The following ITGB6 variants were observed in gnomAD, a reference collection of about 807,000 sequenced individuals.
ITGB6 encodes integrin beta-6.
In ITGB6, 80 loss-of-function variants were observed where a neutral mutation model predicts 84.5. The observed-to-expected ratio is 0.95, with a 90% CI of 0.79 to 1.14. The LOEUF (loss-of-function observed/expected upper bound fraction) is 1.14, where lower values mean the gene tolerates loss of function less well. ITGB6 is among the 50% of genes most tolerant of loss of function. The pLI, the probability that ITGB6 is intolerant of heterozygous loss-of-function variation, is 0.00. For synonymous variants in ITGB6, 383 were observed against 354.9 expected (o/e 1.08, Z -0.89); for missense variants, 1,006 against 968.0 (o/e 1.04, Z -0.52).
chr2:160,129,667 G>GATTCTA (rs1375870454), intron 10 of ITGB6, among the ~76,000 whole-genome samples: 1 of 152,072 alleles, frequency 6.6e-6, no homozygotes, highest in African/African-American at 2.4e-5. Flanking sequence ...AGTGAAACAG[G>GATTCTA]ATTCTACTTG....
At chr2:160,124,470 C>A (rs1683156867) in intron 11 of ITGB6, among the ~76,000 whole-genome samples, 1 of 152,152 alleles carries the variant, frequency 6.6e-6, no homozygotes, top group Non-Finnish European at 1.5e-5. Flanking sequence ...TTAATACAGG[C>A]TTTTAAATAA....
At chr2:160,112,688 C>T (rs1213897533) in intron 12 of ITGB6, among the ~76,000 whole-genome samples, 3 of 151,756 alleles carry the variant, frequency 2.0e-5, no homozygotes, top group Non-Finnish European at 4.4e-5. Flanking sequence ...AAATTAATAT[C>T]AGGAAACTGA....
rs550647046 is a variant in ITGB6 at position 160,133,376 on chromosome 2, G to A, written c.1660+4058C>T. ...AGAGCTAACTATCCTAAATTTATAC[G>A]CACCCAGTACAGGAGCACCTAGATT... On this transcript the variant is annotated intron_variant, in intron 10 of 14. Coordinates refer to ENST00000283249, the MANE Select transcript of ITGB6 (RefSeq NM_000888.5). Among the ~76,000 whole-genome samples, 5 of 152,192 alleles carry A rather than the reference G, an allele frequency of 3.3e-5. No homozygotes were observed. The South Asian group carries it at 8.3e-4, about 25-fold the overall frequency.
At chr2:160,181,121 G>T (rs1685650875) in intron 4 of ITGB6, among the ~76,000 whole-genome samples, 1 of 152,104 alleles carries the variant, frequency 6.6e-6, no homozygotes, top group Non-Finnish European at 1.5e-5. Flanking sequence ...GTGGCGCTTG[G>T]AATTCCAGCG....
chr2:160,112,611 T>C (rs1304032925), intron 12 of ITGB6, among the ~76,000 whole-genome samples: 2 of 152,172 alleles, frequency 1.3e-5, no homozygotes, highest in Non-Finnish European at 2.9e-5. Flanking sequence ...ACTGATACTT[T>C]TAAAGGGGCC....
intron 12 of ITGB6, among the ~76,000 whole-genome samples, chr2:160,114,622 G>A (rs1682680579): frequency 6.6e-6 from 1 of 152,214 alleles, no homozygotes; most frequent in Non-Finnish European, 1.5e-5. Flanking sequence ...GAGGTACCGG[G>A]TTCATCTCAC....
At chr2:160,166,797 T>C (rs1047104262) in intron 7 of ITGB6, among the ~76,000 whole-genome samples, 2 of 152,192 alleles carry the variant, frequency 1.3e-5, no homozygotes, top group Admixed American at 1.3e-4. Context: ...ACTACAGCCA[T>C]ACTGAACTGA....
chr2:160,191,991 A>G (rs572714386), intron 4 of ITGB6, among the ~76,000 whole-genome samples: 5 of 152,208 alleles, frequency 3.3e-5, no homozygotes, highest in East Asian at 1.9e-4. Flanking sequence ...ATATGAATAA[A>G]TGAAGATATA....
intron 4 of ITGB6, among the ~76,000 whole-genome samples, chr2:160,189,756 G>A (rs1686062182): frequency 6.6e-6 from 1 of 152,004 alleles, no homozygotes; most frequent in Non-Finnish European, 1.5e-5. Flanking sequence ...ACTGTTGGTG[G>A]GACTGTAAAC....
intron 4 of ITGB6, among the ~76,000 whole-genome samples, chr2:160,177,054 A>G (rs187791716): frequency 2.0e-5 from 3 of 152,206 alleles, no homozygotes; most frequent in Admixed American, 2.0e-4. Flanking sequence ...GTTTGTATCC[A>G]TTGCCATCTG....
intron 2 of ITGB6, 59 bp from the exon 3 acceptor site, chr2:160,196,479 T>C: frequency 4.9e-6 from 7 of 1,434,094 alleles, no homozygotes; most frequent in Non-Finnish European, 6.7e-6. Flanking sequence ...AATTTCTTTA[T>C]AAGATACCAG....
At chr2:160,118,590 T>C (rs1214036586) in intron 12 of ITGB6, among the ~76,000 whole-genome samples, 2 of 152,084 alleles carry the variant, frequency 1.3e-5, no homozygotes, top group Non-Finnish European at 2.9e-5. Context: ...AAGCATTCCC[T>C]TTGAAAACAG....
At chr2:160,196,185 A>C (rs771751979) in intron 3 of ITGB6, 31 bp downstream of exon 3, 1 of 1,560,928 alleles carries the variant, frequency 6.4e-7, no homozygotes, top group East Asian at 2.2e-5. Context: ...ATGACATTAG[A>C]TCTATTTACA....
intron 14 of ITGB6, among the ~76,000 whole-genome samples, chr2:160,103,593 T>C (rs1199897834): frequency 1.3e-5 from 2 of 152,180 alleles, no homozygotes; most frequent in Non-Finnish European, 2.9e-5. Context: ...GGCAGACTGA[T>C]GTGAATTTAG....
intron 6 of ITGB6, among the ~76,000 whole-genome samples, chr2:160,171,087 T>A (rs1685181213): frequency 6.6e-6 from 1 of 152,148 alleles, no homozygotes; most frequent in Non-Finnish European, 1.5e-5. Flanking sequence ...ATGTCGAAAT[T>A]TAGAAATTTA....
At chr2:160,136,344 C>T (rs371791605) in intron 10 of ITGB6, among the ~76,000 whole-genome samples, 1 of 152,158 alleles carries the variant, frequency 6.6e-6, no homozygotes, top group Admixed American at 6.5e-5. Flanking sequence ...ATCAAAACCA[C>T]AATGAGATAC....
At chr2:160,159,917 A>G (rs982440575) in intron 7 of ITGB6, among the ~76,000 whole-genome samples, 2 of 152,128 alleles carry the variant, frequency 1.3e-5, no homozygotes, top group African/African-American at 4.8e-5. Context: ...TCCCCCTACT[A>G]GATTACAAGT....
Position 160,101,748 on chromosome 2 carries a change from G to T in ITGB6, c.2355C>A (p.Ser785=). The change falls in exon 15 of 15, where the codon TCC becomes TCA. Residue 785 remains serine (S), a synonymous_variant. Coordinates refer to ENST00000283249, the MANE Select transcript of ITGB6 (RefSeq NM_000888.5). ...GCATAAAGTAGTTCTAGCAATCTGT[G>T]GAAAGGTCTACCTTTTGTTTTTCCC... ...KHREKQKVDL[S]TDC is the part of the protein sequence containing the mutation. The T allele has an allele frequency of 6.4e-7, 1 of 1,561,902 alleles. No homozygotes were observed. The highest frequency in any genetic ancestry group is 8.8e-7 in the Non-Finnish European group (1 of 1,132,886).
intron 4 of ITGB6, among the ~76,000 whole-genome samples, chr2:160,184,163 A>T (rs1310424194): frequency 6.6e-6 from 1 of 152,138 alleles, no homozygotes; most frequent in Non-Finnish European, 1.5e-5. Context: ...GACACAAAAA[A>T]CCCTTCAAAA....
Sources: gnomAD v4.1 joint callset for allele counts (sites outside exome capture counted in the v4.1 genomes callset) on GRCh38, gnomAD v4.1.1 for gene constraint, MANE v1.5 for transcripts, NCBI Gene and HGNC (gene_info 2026-07-23, HGNC 2026-07-21) for gene names.